RUNDC3B: variants seen among roughly 807,000 people sequenced by gnomAD.
The protein encoded by RUNDC3B is RUN domain-containing protein 3B.
RUNDC3B carries 33 observed loss-of-function variants against 58.4 expected under a neutral mutation model. That is an observed-to-expected ratio of 0.56 (90% confidence interval 0.43 to 0.75). The LOEUF (loss-of-function observed/expected upper bound fraction) is 0.75. Among genes scored for constraint, RUNDC3B ranks in the 30% least tolerant of loss-of-function variants. The pLI is 0.00. For missense variants in RUNDC3B, 501 were observed against 535.7 expected, an observed-to-expected ratio of 0.94 and a Z score of 0.64; for synonymous variants, 193 against 195.2, an observed-to-expected ratio of 0.99 and a Z score of 0.10.
At chr7:87,721,799 G>GTC (rs905325506) in intron 4 of RUNDC3B, among the ~76,000 whole-genome samples, 6 of 148,888 alleles carry the variant, frequency 4.0e-5, no homozygotes, top group African/African-American at 7.4e-5. Flanking sequence ...CTCTGTCTCT[G>GTC]TCTCTCTCTC....
intron 8 of RUNDC3B, among the ~76,000 whole-genome samples, chr7:87,781,444 A>G (rs1400582188): frequency 1.3e-5 from 2 of 151,984 alleles, no homozygotes; most frequent in African/African-American, 4.8e-5. Flanking sequence ...AGACAATATG[A>G]CTTCTCTTTT....
At chr7:87,731,541 A>G (rs2130794465) in intron 4 of RUNDC3B, among the ~76,000 whole-genome samples, 1 of 152,346 alleles carries the variant, frequency 6.6e-6, no homozygotes, top group South Asian at 2.1e-4. Context: ...AGCTATAAAG[A>G]CATACATCCA....
intron 6 of RUNDC3B, among the ~76,000 whole-genome samples, chr7:87,767,714 C>T (rs543194864): frequency 6.6e-6 from 1 of 152,196 alleles, no homozygotes; most frequent in East Asian, 1.9e-4. Flanking sequence ...GTGGTAGCAC[C>T]AGCCCCAACA....
In RUNDC3B at chr7:87,726,926, C is replaced by G. The variant is rs576085428; in HGVS notation, c.459-12865C>G. On this transcript the variant is annotated intron_variant, in intron 4 of 10. Transcript: ENST00000394654. Reference sequence around the variant, plus strand: ...TGTATAAGAATGCTTGTGATTTTTGCACATTGATTTTGTATCCTGAGACTT... The same window carrying G: ...TGTATAAGAATGCTTGTGATTTTTGGACATTGATTTTGTATCCTGAGACTT... Among the ~76,000 whole-genome samples, 437 of 152,146 alleles carry G rather than the reference C, an allele frequency of 2.9e-3. 3 individuals carry two copies. Among genetic ancestry groups the G allele is most frequent in the African/African-American group, 9.8e-3 (408 of 41,516 alleles).
intron 2 of RUNDC3B, among the ~76,000 whole-genome samples, chr7:87,698,821 C>T (rs1043020926): frequency 6.6e-6 from 1 of 152,032 alleles, no homozygotes; most frequent in African/African-American, 2.4e-5. Flanking sequence ...GGTCCTGTGC[C>T]AACAGAGGGA....
Position 87,770,843 on chromosome 7 carries a change from T to G in RUNDC3B, c.798+94T>G, listed in dbSNP as rs370908704. On this transcript the variant is annotated intron_variant, in intron 7 of 10. Coordinates refer to ENST00000394654, the MANE Select transcript of RUNDC3B (RefSeq NM_001134405.2). ...ATATTTTTTAACTGAATAAAATTAT[T>G]TATCCATTGCTGCTTCTCTTCTGTT... The G allele has an allele frequency of 8.0e-5, 64 of 804,974 alleles. No individual in the cohort carries two copies. The East Asian group carries it at 8.2e-4, about 10-fold the overall frequency. The allele number at this position is 804,974 out of a possible 1,614,324, so 49.9% of individuals were successfully genotyped here. A position where few individuals can be genotyped will look rare whatever the true frequency, so the allele number is the denominator to read the frequency against.
chr7:87,637,199 C>T lies in RUNDC3B; in HGVS notation c.122+8254C>T, dbSNP rs149086322. The stretch of plus-strand genomic sequence containing the variant: ...CCAAACTATATCAACCATACTTTCT[C>T]CACTACACTCATGCATCACATTTAT... On this transcript the variant is annotated intron_variant, in intron 1 of 10. Transcript: ENST00000394654. 3.0e-3 allele frequency among the ~76,000 whole-genome samples: 453 copies of T among 152,280 alleles called. 2 individuals carry two copies. Among genetic ancestry groups the T allele is most frequent in the African/African-American group, 0.011 (438 of 41,568 alleles).
chr7:87,640,307 T>G (rs1822299093), intron 1 of RUNDC3B, among the ~76,000 whole-genome samples: 1 of 151,900 alleles, frequency 6.6e-6, no homozygotes, highest in Non-Finnish European at 1.5e-5. Flanking sequence ...CCATTTTACC[T>G]TCCTCAGTTT....
intron 9 of RUNDC3B, 63 bp from the exon 10 acceptor site, chr7:87,816,078 C>A: frequency 1.7e-6 from 2 of 1,143,138 alleles, no homozygotes; most frequent in Non-Finnish European, 2.6e-6. Flanking sequence ...CATTAAATAA[C>A]CACTCAAGAA....
chr7:87,822,106 C>T (rs1233521525), intron 10 of RUNDC3B, among the ~76,000 whole-genome samples: 1 of 152,106 alleles, frequency 6.6e-6, no homozygotes, highest in African/African-American at 2.4e-5. Flanking sequence ...GAACAGGCAA[C>T]CTACAAAATG....
intron 3 of RUNDC3B, among the ~76,000 whole-genome samples, chr7:87,710,021 T>C (rs1829926215): frequency 6.6e-6 from 1 of 152,178 alleles, no homozygotes; most frequent in South Asian, 2.1e-4. Flanking sequence ...GCTTTTAGAA[T>C]TCTCTGGGGA....
chr7:87,714,508 G>A (rs999797866), intron 4 of RUNDC3B, among the ~76,000 whole-genome samples: 6 of 152,154 alleles, frequency 3.9e-5, no homozygotes, highest in Admixed American at 1.3e-4. Context: ...ACAATATAGT[G>A]TGTGTGTTAG....
chr7:87,774,147 A>G (rs1440169790), intron 7 of RUNDC3B, among the ~76,000 whole-genome samples: 7 of 152,182 alleles, frequency 4.6e-5, no homozygotes, highest in Non-Finnish European at 1.5e-5. Context: ...CATGCCACTC[A>G]TGAAATTAAA....
chr7:87,636,371 T>C (rs763083696), intron 1 of RUNDC3B, among the ~76,000 whole-genome samples: 1 of 152,224 alleles, frequency 6.6e-6, no homozygotes, highest in Non-Finnish European at 1.5e-5. Context: ...TTTGGAGATT[T>C]TCTTTCATAA....
At chr7:87,774,897 T>C (rs1212859223) in intron 7 of RUNDC3B, among the ~76,000 whole-genome samples, 2 of 152,234 alleles carry the variant, frequency 1.3e-5, no homozygotes, top group Non-Finnish European at 2.9e-5. Context: ...GTGTTTGTGA[T>C]AATGCTAGTG....
At chr7:87,693,638 A>G (rs1828214578) in intron 2 of RUNDC3B, among the ~76,000 whole-genome samples, 1 of 152,182 alleles carries the variant, frequency 6.6e-6, no homozygotes, top group Non-Finnish European at 1.5e-5. Context: ...GTAAAAGTAA[A>G]CAGGAAACAA....
chr7:87,642,433 A>G (rs1438980671), intron 1 of RUNDC3B, among the ~76,000 whole-genome samples: 1 of 152,048 alleles, frequency 6.6e-6, no homozygotes, highest in East Asian at 1.9e-4. Flanking sequence ...TTGTTCTTGG[A>G]TAAAGAATAA....
chr7:87,822,736 T>C lies in RUNDC3B; in HGVS notation c.1225+6474T>C, dbSNP rs1837549666. 2.0e-5 allele frequency among the ~76,000 whole-genome samples: 3 copies of C among 152,264 alleles called. No individual in the cohort carries two copies. The South Asian group carries it at 6.2e-4, about 32-fold the overall frequency. On this transcript the variant is annotated intron_variant, in intron 10 of 10. Transcript: ENST00000394654. ...AAAAATTGAGAGTTCATGTCCTTTA[T>C]AGGGACATGGATGAAACTGGAAACC...
intron 1 of RUNDC3B, among the ~76,000 whole-genome samples, chr7:87,644,500 AC>A (rs1443054968): frequency 2.0e-5 from 3 of 152,194 alleles, no homozygotes; most frequent in Non-Finnish European, 4.4e-5. Context: ...TCTATTAAAA[AC>A]ATCACTCTTA....
Sources: gnomAD v4.1 joint callset for allele counts (sites outside exome capture counted in the v4.1 genomes callset) on GRCh38, gnomAD v4.1.1 for gene constraint, MANE v1.5 for transcripts, NCBI Gene and HGNC (gene_info 2026-07-23, HGNC 2026-07-21) for gene names.